SORCS3: variants seen among roughly 807,000 people sequenced by gnomAD.
SORCS3 encodes VPS10 domain-containing receptor SorCS3.
SORCS3 carries 57 observed loss-of-function variants against 146.3 expected under a neutral mutation model. That is an observed-to-expected ratio of 0.39 (90% CI 0.31 to 0.49). The LOEUF (loss-of-function observed/expected upper bound fraction) is 0.49, where lower values mean the gene tolerates loss of function less well. Ranked by LOEUF, SORCS3 falls within the 20% of genes least tolerant of loss-of-function variation. The pLI is 0.92. For synonymous variants in SORCS3, 653 were observed against 618.5 expected, an observed-to-expected ratio of 1.06 and a Z score of -0.83; for missense variants, 1,341 against 1,575.5, an observed-to-expected ratio of 0.85 and a Z score of 2.52.
At chr10:105,252,972 G>A (rs1009218678) in intron 23 of SORCS3, 66 bp downstream of exon 23, 5 of 1,556,308 alleles carry the variant, frequency 3.2e-6, no homozygotes, top group African/African-American at 2.8e-5. Flanking sequence ...GCACAAAGCT[G>A]TTTTCAGCCA....
At chr10:104,738,035 C>T (rs1405755219) in intron 1 of SORCS3, among the ~76,000 whole-genome samples, 1 of 151,928 alleles carries the variant, frequency 6.6e-6, no homozygotes, top group Non-Finnish European at 1.5e-5. Flanking sequence ...AATAGGGAAT[C>T]CTTTCCCCAT....
chr10:104,664,172 G>C (rs542316788), intron 1 of SORCS3, among the ~76,000 whole-genome samples: 6 of 152,318 alleles, frequency 3.9e-5, no homozygotes, highest in African/African-American at 1.4e-4. Context: ...GTTGCATTAA[G>C]TGCAGCTTGA....
intron 4 of SORCS3, among the ~76,000 whole-genome samples, chr10:105,003,302 G>C (rs2055072709): frequency 1.3e-5 from 2 of 152,144 alleles, no homozygotes. Context: ...AGGAGCAGTG[G>C]ACAGCCTGTT....
At chr10:104,862,822 A>G (rs2018419174) in intron 2 of SORCS3, among the ~76,000 whole-genome samples, 1 of 152,212 alleles carries the variant, frequency 6.6e-6, no homozygotes, top group Non-Finnish European at 1.5e-5. Flanking sequence ...TATTTTGTAA[A>G]TCAAATCTGC....
chr10:104,826,762 C>T (rs567530699), intron 1 of SORCS3, among the ~76,000 whole-genome samples: 2 of 152,278 alleles, frequency 1.3e-5, no homozygotes, highest in Admixed American at 6.5e-5. Context: ...ACTCTTCTTT[C>T]ATGAAAGATT....
intron 4 of SORCS3, among the ~76,000 whole-genome samples, chr10:105,016,154 TA>T (rs1448885084): frequency 0.012 from 1,249 of 105,272 alleles, 37 homozygotes; most frequent in African/African-American, 0.057. Flanking sequence ...TATATATATA[TA>T]TTTTTTTTTT....
chr10:104,908,096 C>T (rs1040727170), intron 2 of SORCS3, among the ~76,000 whole-genome samples: 3 of 152,236 alleles, frequency 2.0e-5, no homozygotes. Flanking sequence ...GTTCACCACA[C>T]ACCAGAGCAC....
chr10:104,974,958 T>G (rs2054886079), intron 3 of SORCS3, among the ~76,000 whole-genome samples: 1 of 152,164 alleles, frequency 6.6e-6, no homozygotes, highest in Non-Finnish European at 1.5e-5. Context: ...CTTATGAAGC[T>G]TAGTTTGGCT....
intron 21 of SORCS3, among the ~76,000 whole-genome samples, chr10:105,246,254 T>C (rs2056865582): frequency 6.6e-6 from 1 of 152,220 alleles, no homozygotes; most frequent in Non-Finnish European, 1.5e-5. Context: ...GTGCCTCTAC[T>C]GCCATTTCAC....
At chr10:104,793,706 T>C (rs1046968305) in intron 1 of SORCS3, among the ~76,000 whole-genome samples, 2 of 152,110 alleles carry the variant, frequency 1.3e-5, no homozygotes, top group Non-Finnish European at 2.9e-5. Flanking sequence ...GAGCAGCAAG[T>C]GTATTATTTA....
intron 1 of SORCS3, among the ~76,000 whole-genome samples, chr10:104,747,717 C>A (rs557684352): frequency 6.6e-6 from 1 of 152,196 alleles, no homozygotes; most frequent in Admixed American, 6.5e-5. Flanking sequence ...CTGCTCGGAC[C>A]ATTCTCAGCA....
Position 104,696,313 on chromosome 10 carries a change from G to A in SORCS3, c.627+54359G>A, listed in dbSNP as rs1444328815. The stretch of plus-strand genomic sequence containing the variant: ...TATATCATATACACATATGATATAT[G>A]ATATATATCATATACACATATGATA... On this transcript the variant is annotated intron_variant, in intron 1 of 26. Coordinates refer to ENST00000369701, the MANE Select transcript of SORCS3 (RefSeq NM_014978.3). 2.2e-4 allele frequency among the ~76,000 whole-genome samples: 23 copies of A among 103,516 alleles called. 9 individuals are homozygous for A. The highest frequency in any genetic ancestry group is 2.9e-4 in the African/African-American group (7 of 23,968). The allele number at this position is 103,516 out of a possible 152,430, so 67.9% of individuals were successfully genotyped here. A position where few individuals can be genotyped will look rare whatever the true frequency, so the allele number is the denominator to read the frequency against.
chr10:105,040,168 T>C (rs2055330157), intron 4 of SORCS3, among the ~76,000 whole-genome samples: 2 of 152,112 alleles, frequency 1.3e-5, no homozygotes, highest in African/African-American at 4.8e-5. Flanking sequence ...ATGAAAAACT[T>C]AGTCTTTGCA....
intron 2 of SORCS3, among the ~76,000 whole-genome samples, chr10:104,849,855 A>G (rs574685685): frequency 6.6e-6 from 1 of 152,202 alleles, no homozygotes; most frequent in East Asian, 1.9e-4. Context: ...TCCTAGGCAC[A>G]TCATGCCTGG....
At chr10:105,240,810 C>A (rs1045186433) in intron 20 of SORCS3, among the ~76,000 whole-genome samples, 2 of 152,002 alleles carry the variant, frequency 1.3e-5, no homozygotes, top group African/African-American at 4.8e-5. Flanking sequence ...CCCAGTCCCC[C>A]TTCTCAGTCA....
chr10:105,225,890 C>T (rs1328557950), intron 20 of SORCS3, among the ~76,000 whole-genome samples: 3 of 151,842 alleles, frequency 2.0e-5, no homozygotes, highest in Non-Finnish European at 4.4e-5. Context: ...GTATGTAACA[C>T]TACTGTTTTT....
intron 7 of SORCS3, among the ~76,000 whole-genome samples, chr10:105,127,674 G>T (rs1046470997): frequency 6.6e-6 from 1 of 152,084 alleles, no homozygotes. Flanking sequence ...TACCCTCAAA[G>T]ATATTACAGT....
At chr10:105,167,230 ATTGTTG>A (rs576495900) in intron 12 of SORCS3, 22 bp from the exon 13 acceptor site, 206 of 1,485,000 alleles carry the variant, frequency 1.4e-4, no homozygotes, top group Non-Finnish European at 1.9e-4. Context: ...TGTTGCTATG[ATTGTTG>A]TTGTTGTTGT....
chr10:104,874,635 G>C (rs1352983441), intron 2 of SORCS3, among the ~76,000 whole-genome samples: 1 of 152,080 alleles, frequency 6.6e-6, no homozygotes, highest in African/African-American at 2.4e-5. Context: ...GTAGAATTAG[G>C]AATGGCTACT....
Sources: allele counts gnomAD v4.1 joint callset (sites outside exome capture counted in the v4.1 genomes callset), GRCh38; gene constraint gnomAD v4.1.1; transcripts MANE v1.5; gene names NCBI Gene and HGNC (gene_info 2026-07-23, HGNC 2026-07-21).